The following LSAMP variants were observed in gnomAD, a reference collection of about 807,000 sequenced individuals.
LSAMP encodes the protein limbic system-associated membrane protein.
In LSAMP, 7 loss-of-function variants were observed where a neutral mutation model predicts 38.6. The ratio of observed to expected loss-of-function variants is 0.18; its 90% confidence interval spans 0.10 to 0.34. The LOEUF (loss-of-function observed/expected upper bound fraction) is 0.34. Ranked by LOEUF, LSAMP falls within the 10% of genes least tolerant of loss-of-function variation. LSAMP has a pLI of 1.00. For synonymous variants in LSAMP, 154 were observed against 166.8 expected (o/e 0.92, Z 0.59); for missense variants, 313 against 420.0 (o/e 0.75, Z 2.23).
At chr3:115,857,593 G>C (rs1343853459) in intron 3 of LSAMP, among the ~76,000 whole-genome samples, 12 of 152,076 alleles carry the variant, frequency 7.9e-5, no homozygotes, top group Non-Finnish European at 5.9e-5. Flanking sequence ...CCACAAGCCT[G>C]CTCACATCGC....
chr3:116,005,502 G>A (rs1377852554), intron 3 of LSAMP, among the ~76,000 whole-genome samples: 1 of 152,146 alleles, frequency 6.6e-6, no homozygotes, highest in African/African-American at 2.4e-5. Context: ...CCTTTGACAG[G>A]AAATAGAACT....
chr3:116,269,444 C>T (rs192686274), intron 1 of LSAMP, among the ~76,000 whole-genome samples: 8 of 152,130 alleles, frequency 5.3e-5, no homozygotes, highest in Non-Finnish European at 8.8e-5. Flanking sequence ...TTGCTTGGTA[C>T]ACAGTGCTCA....
At chr3:116,164,713 A>T (rs1207099656) in intron 1 of LSAMP, among the ~76,000 whole-genome samples, 1 of 138,618 alleles carries the variant, frequency 7.2e-6, no homozygotes, top group Non-Finnish European at 1.5e-5. Context: ...TAATCCAAAT[A>T]TATATATATA....
chr3:116,335,387 A>G (rs1022138457), intron 1 of LSAMP, among the ~76,000 whole-genome samples: 2 of 152,096 alleles, frequency 1.3e-5, no homozygotes, highest in African/African-American at 4.8e-5. Context: ...TGGAATATCA[A>G]AAGGATCCCA....
At chr3:116,047,811 G>C (rs115767996) in intron 2 of LSAMP, among the ~76,000 whole-genome samples, 1,906 of 152,152 alleles carry the variant, frequency 0.013, 35 homozygotes, top group African/African-American at 0.043. Context: ...TGGATGTTTC[G>C]AAGTATATGT....
At chr3:115,902,470 A>G (rs553040584) in intron 3 of LSAMP, among the ~76,000 whole-genome samples, 13 of 151,446 alleles carry the variant, frequency 8.6e-5, no homozygotes, top group Non-Finnish European at 1.3e-4. Context: ...GCTAAAAGCA[A>G]TTGCAGCAAA....
chr3:116,346,300 A>AT (rs568332277), intron 1 of LSAMP, among the ~76,000 whole-genome samples: 10 of 146,318 alleles, frequency 6.8e-5, no homozygotes, highest in South Asian at 2.2e-4. Context: ...AGGAAACATG[A>AT]TTTTTTTTTC....
intron 2 of LSAMP, among the ~76,000 whole-genome samples, chr3:116,061,952 CTG>C (rs1414030840): frequency 2.6e-5 from 4 of 152,124 alleles, no homozygotes; most frequent in South Asian, 2.1e-4. Flanking sequence ...CAATGTGACT[CTG>C]TGAAATAGGG....
At chr3:115,948,480 C>G (rs1487055480) in intron 3 of LSAMP, among the ~76,000 whole-genome samples, 1 of 152,070 alleles carries the variant, frequency 6.6e-6, no homozygotes, top group Non-Finnish European at 1.5e-5. Flanking sequence ...AAAAAGAACC[C>G]TCAAAACCAT....
chr3:116,070,605 G>T (rs776474526), intron 2 of LSAMP, among the ~76,000 whole-genome samples: 1 of 152,154 alleles, frequency 6.6e-6, no homozygotes, highest in Non-Finnish European at 1.5e-5. Context: ...ATTTTATGCA[G>T]GAAATTGTTT....
At chr3:115,929,034 T>C (rs1467729284) in intron 3 of LSAMP, among the ~76,000 whole-genome samples, 2 of 139,364 alleles carry the variant, frequency 1.4e-5, no homozygotes, top group South Asian at 2.4e-4. Flanking sequence ...GCTGTAATAA[T>C]ATTCTATGTG....
At chr3:116,216,864 G>A (rs1377011157) in intron 1 of LSAMP, among the ~76,000 whole-genome samples, 1 of 152,148 alleles carries the variant, frequency 6.6e-6, no homozygotes, top group African/African-American at 2.4e-5. Flanking sequence ...GAAATAGATC[G>A]TGTTCAGATG....
chr3:116,335,602 A>G (rs2047909618), intron 1 of LSAMP, among the ~76,000 whole-genome samples: 2 of 152,144 alleles, frequency 1.3e-5, no homozygotes, highest in South Asian at 4.1e-4. Flanking sequence ...CACCTGCTAA[A>G]CCTATCATCT....
In LSAMP at chr3:115,957,554, A is replaced by G. The variant is rs190734171; in HGVS notation, c.514+61961T>C. ...GGGACATTAGGACAACAGCTAATTC[A>G]TCAGTATTCTTGCTATCTATGATAA... On this transcript the variant is annotated intron_variant, in intron 3 of 6. Coordinates refer to ENST00000490035, the MANE Select transcript of LSAMP (RefSeq NM_002338.5). Among the ~76,000 whole-genome samples the G allele has an allele frequency of 1.1e-4, 17 of 152,240 alleles. 1 individual carries two copies. The East Asian group carries it at 3.3e-3, about 29-fold the overall frequency.
chr3:116,021,535 T>C (rs951544164), intron 2 of LSAMP, among the ~76,000 whole-genome samples: 4 of 152,184 alleles, frequency 2.6e-5, no homozygotes, highest in Non-Finnish European at 4.4e-5. Context: ...CAGAACATAA[T>C]GTGGACATAC....
chr3:116,315,766 C>A (rs936461725), intron 1 of LSAMP, among the ~76,000 whole-genome samples: 2 of 152,164 alleles, frequency 1.3e-5, no homozygotes, highest in Admixed American at 1.3e-4. Context: ...GAGGTGTGTA[C>A]TATTATTATC....
chr3:116,092,901 T>A (rs1451236928), intron 1 of LSAMP, among the ~76,000 whole-genome samples: 2 of 152,222 alleles, frequency 1.3e-5, no homozygotes, highest in African/African-American at 4.8e-5. Context: ...CATTTCATAT[T>A]TAACAAGCAT....
At chr3:115,958,372 T>G (rs1275258085) in intron 3 of LSAMP, among the ~76,000 whole-genome samples, 1 of 152,232 alleles carries the variant, frequency 6.6e-6, no homozygotes, top group Non-Finnish European at 1.5e-5. Context: ...AGATCATTTA[T>G]TTAAGGCTCT....
intron 1 of LSAMP, among the ~76,000 whole-genome samples, chr3:116,196,572 C>CTA (rs1369388963): frequency 6.6e-6 from 1 of 151,976 alleles, no homozygotes; most frequent in Non-Finnish European, 1.5e-5. Context: ...TTTATTTGAG[C>CTA]TATTCATTGC....
Sources: allele counts gnomAD v4.1 joint callset (sites outside exome capture counted in the v4.1 genomes callset), GRCh38; gene constraint gnomAD v4.1.1; transcripts MANE v1.5; gene names NCBI Gene and HGNC (gene_info 2026-07-23, HGNC 2026-07-21).